The following ADD1 variants were observed in gnomAD, a reference collection of about 807,000 sequenced individuals.
The protein encoded by ADD1 is adducin 1, also known as alpha-adducin.
ADD1 carries 24 observed loss-of-function variants against 80.5 expected under a neutral mutation model. That is an observed-to-expected ratio of 0.30 (90% CI 0.22 to 0.42). ADD1 has a LOEUF of 0.42. Ranked by LOEUF, ADD1 falls within the 10% of genes least tolerant of loss-of-function variation. The pLI is 1.00. For synonymous variants in ADD1, 373 were observed against 393.8 expected, an observed-to-expected ratio of 0.95 and a Z score of 0.63; for missense variants, 948 against 1,019.0, an observed-to-expected ratio of 0.93 and a Z score of 0.95.
intron 3 of ADD1, among the ~76,000 whole-genome samples, chr4:2,882,883 C>T (rs559258688): frequency 1.4e-4 from 21 of 151,990 alleles, no homozygotes; most frequent in East Asian, 3.8e-4. Flanking sequence ...GTTTTTGAGA[C>T]GGCGTCTTGC....
At chr4:2,905,135 T>C in intron 10 of ADD1, 27 bp downstream of exon 10, 1 of 1,607,508 alleles carries the variant, frequency 6.2e-7, no homozygotes, top group Admixed American at 1.7e-5. Flanking sequence ...CTGTTCATAG[T>C]TAGATGACGT....
chr4:2,848,212 C>CAAAA (rs1318761193), intron 1 of ADD1, among the ~76,000 whole-genome samples: 11 of 97,788 alleles, frequency 1.1e-4, no homozygotes, highest in African/African-American at 3.8e-4. Context: ...GACTCCGTCT[C>CAAAA]AAAAAAAAAA....
In ADD1 at chr4:2,907,853, T is replaced by C; in HGVS notation, c.1608+9T>C. 9.3e-6 allele frequency: 15 copies of C among 1,611,028 alleles called. No homozygotes were observed. Among genetic ancestry groups the C allele is most frequent in the Non-Finnish European group, 1.1e-5 (13 of 1,177,542 alleles). On this transcript the variant is annotated intron_variant, in intron 11 of 15. Transcript: ENST00000683351. ...AGGAGATGAGGAACAAGGTGCGTCC[T>C]GCGTCGGCACTCAGCGGGGGCTTGG...
chr4:2,883,920 C>T (rs995322037), intron 3 of ADD1, among the ~76,000 whole-genome samples: 7 of 152,224 alleles, frequency 4.6e-5, no homozygotes, highest in African/African-American at 1.7e-4. Flanking sequence ...ATCCTCCCGC[C>T]TCGGCCTCCC....
At chr4:2,873,368 G>A (rs1300571611) in intron 1 of ADD1, among the ~76,000 whole-genome samples, 1 of 152,152 alleles carries the variant, frequency 6.6e-6, no homozygotes, top group Non-Finnish European at 1.5e-5. Flanking sequence ...TAAAAATGAA[G>A]GACAGGTTTG....
intron 11 of ADD1, 28 bp from the exon 12 acceptor site, chr4:2,908,487 G>T (rs1404232668): frequency 6.3e-7 from 1 of 1,599,804 alleles, no homozygotes. Flanking sequence ...CAGGACTGTT[G>T]ATGTGTGCCT....
rs779878125 is a variant in ADD1, at chr4:2,907,856, G to A, written c.1608+12G>A. 10 of 1,609,552 alleles carry A rather than the reference G, an allele frequency of 6.2e-6. No individual in the cohort carries two copies. Among genetic ancestry groups the A allele is most frequent in the Admixed American group, 1.7e-5 (1 of 59,984 alleles). ...AGATGAGGAACAAGGTGCGTCCTGC[G>A]TCGGCACTCAGCGGGGGCTTGGGTG... On this transcript the variant is annotated intron_variant, in intron 11 of 15. Transcript: ENST00000683351.
At chr4:2,923,069 T>C (rs1740342005) in intron 14 of ADD1, among the ~76,000 whole-genome samples, 1 of 152,238 alleles carries the variant, frequency 6.6e-6, no homozygotes, top group Non-Finnish European at 1.5e-5. Flanking sequence ...CTTAGCTTGC[T>C]GGGCTCCATG....
At chr4:2,857,317 A>T (rs1461386035) in intron 1 of ADD1, among the ~76,000 whole-genome samples, 1 of 152,150 alleles carries the variant, frequency 6.6e-6, no homozygotes, top group Non-Finnish European at 1.5e-5. Flanking sequence ...CTTTTATTCT[A>T]AAAGTTAGCA....
chr4:2,928,243 C>T lies in ADD1; in HGVS notation c.2120C>T (p.Ser707Phe). ...ATFKPTLPDL[S>F]PDEPSEALGF... ...TTTAAGCCAACTCTCCCCGATCTGT[C>T]CCCTGATGAACCTTCAGAAGCACTC... is the stretch of plus-strand genomic sequence containing the variant. The change falls in exon 16 of 16, where the codon TCC (serine) becomes TTC (phenylalanine). Residue 707 changes from serine to phenylalanine, a missense_variant. Transcript: ENST00000683351. The T allele has an allele frequency of 6.2e-7, 1 of 1,614,042 alleles. No individual in the cohort carries two copies. Among genetic ancestry groups the T allele is most frequent in the Non-Finnish European group, 8.5e-7 (1 of 1,180,014 alleles).
chr4:2,882,185 T>TA, intron 3 of ADD1, 125 bp downstream of exon 3: 1 of 940,784 alleles, frequency 1.1e-6, no homozygotes, highest in Non-Finnish European at 1.5e-6. Flanking sequence ...TTTTGAAAAT[T>TA]AATGTGTTTT....
chr4:2,857,994 A>G (rs1728322743), intron 1 of ADD1, among the ~76,000 whole-genome samples: 1 of 152,088 alleles, frequency 6.6e-6, no homozygotes, highest in Non-Finnish European at 1.5e-5. Flanking sequence ...TGCTGCATTC[A>G]GAGCATTGTG....
At chr4:2,853,671 A>G (rs1163925571) in intron 1 of ADD1, 2 of 151,446 alleles carry the variant, frequency 1.3e-5, no homozygotes, top group Non-Finnish European at 2.9e-5. Flanking sequence ...TGGTGCAATC[A>G]CGGCTCACCG....
intron 14 of ADD1, among the ~76,000 whole-genome samples, chr4:2,923,840 G>A (rs1475494608): frequency 6.6e-6 from 1 of 152,234 alleles, no homozygotes; most frequent in African/African-American, 2.4e-5. Context: ...GGCGGCTCGC[G>A]AGAACGAGGT....
At chr4:2,890,627 C>T (rs1734152301) in intron 4 of ADD1, among the ~76,000 whole-genome samples, 1 of 152,082 alleles carries the variant, frequency 6.6e-6, no homozygotes, top group South Asian at 2.1e-4. Flanking sequence ...CCAGGATGGT[C>T]TCCATCTCCT....
At chr4:2,850,331 G>T (rs1332238801) in intron 1 of ADD1, among the ~76,000 whole-genome samples, 1 of 152,072 alleles carries the variant, frequency 6.6e-6, no homozygotes, top group African/African-American at 2.4e-5. Flanking sequence ...GCAGTGGTGC[G>T]ATCTTGGCTC....
chr4:2,923,757 T>G (rs1740498016), intron 14 of ADD1, among the ~76,000 whole-genome samples: 1 of 152,280 alleles, frequency 6.6e-6, no homozygotes, highest in South Asian at 2.1e-4. Context: ...ACATCTCATC[T>G]CATTCTCAAA....
chr4:2,915,980 C>A (rs1435996021), intron 14 of ADD1, among the ~76,000 whole-genome samples: 4 of 152,056 alleles, frequency 2.6e-5, no homozygotes, highest in Non-Finnish European at 5.9e-5. Flanking sequence ...CGAAGATGTC[C>A]TGCCGTGGTC....
chr4:2,918,669 T>C (rs1017792548), intron 14 of ADD1, among the ~76,000 whole-genome samples: 5 of 152,176 alleles, frequency 3.3e-5, no homozygotes, highest in Non-Finnish European at 7.3e-5. Flanking sequence ...ATAGCTCTTA[T>C]TATTTTGAGA....
Sources: allele counts gnomAD v4.1 joint callset (sites outside exome capture counted in the v4.1 genomes callset), GRCh38; gene constraint gnomAD v4.1.1; transcripts MANE v1.5; gene names NCBI Gene and HGNC (gene_info 2026-07-23, HGNC 2026-07-21).